The following TENM3 variants were observed in gnomAD, a reference collection of about 807,000 sequenced individuals.
The protein encoded by TENM3 is teneurin-3.
TENM3 carries 63 observed loss-of-function variants against 255.1 expected under a neutral mutation model. That is an observed-to-expected ratio of 0.25 (90% CI 0.20 to 0.30). TENM3 has a LOEUF of 0.30. TENM3 is among the 10% of genes least tolerant of loss of function. TENM3 has a pLI of 1.00. For missense variants in TENM3, 2,929 were observed against 3,461.1 expected (o/e 0.85, Z 3.86); for synonymous variants, 1,306 against 1,322.3 (o/e 0.99, Z 0.27).
rs1400665303 is a variant in TENM3, at chr4:182,603,763, A to ATTTT, written c.749+2605_749+2606insTTTT. Among the ~76,000 whole-genome samples, 611 of 122,892 alleles carry ATTTT rather than the reference A, an allele frequency of 5.0e-3. 21 individuals carry two copies. Among genetic ancestry groups the ATTTT allele is most frequent in the Admixed American group, 0.05 (485 of 9,782 alleles). 80.6% of individuals were successfully genotyped at this position (122,892 alleles called of 152,430 possible). ...GTGTATTGTTTCATCTTTGGCAATT[A>ATTTT]TTTATATATATATATATATATACAC... On this transcript the variant is annotated intron_variant, in intron 4 of 27. Coordinates refer to ENST00000511685, the MANE Select transcript of TENM3 (RefSeq NM_001080477.4).
At chr4:182,593,104 T>C (rs1243654499) in intron 3 of TENM3, among the ~76,000 whole-genome samples, 1 of 152,164 alleles carries the variant, frequency 6.6e-6, no homozygotes, top group African/African-American at 2.4e-5. Context: ...CTTTCTGTTT[T>C]AGGCAATGTG....
intron 13 of TENM3, among the ~76,000 whole-genome samples, chr4:182,721,964 T>C (rs1759771678): frequency 6.6e-6 from 1 of 152,144 alleles, no homozygotes; most frequent in South Asian, 2.1e-4. Flanking sequence ...TTATTCTTTG[T>C]TAGGTGTGTT....
At chr4:181,804,062 AAG>A in the TENM3 span, among the ~76,000 whole-genome samples, 1 of 142,726 alleles carries the variant, frequency 7.0e-6, no homozygotes, top group Non-Finnish European at 1.5e-5. Context: ...GAAGGAGAGA[AAG>A]AGAAAGGAAA....
At chr4:182,025,474 A>C in the TENM3 span, among the ~76,000 whole-genome samples, 65 of 152,314 alleles carry the variant, frequency 4.3e-4, no homozygotes, top group African/African-American at 1.3e-3. Context: ...CTGTACATAA[A>C]AAATATGGGA....
chr4:181,877,615 T>C, the TENM3 span, among the ~76,000 whole-genome samples: 1 of 152,138 alleles, frequency 6.6e-6, no homozygotes, highest in Non-Finnish European at 1.5e-5. Context: ...AGCAGCTCCA[T>C]GATGTCACTG....
intron 1 of TENM3, among the ~76,000 whole-genome samples, chr4:182,168,867 CT>C (rs1177535115): frequency 6.6e-6 from 1 of 151,832 alleles, no homozygotes; most frequent in African/African-American, 2.4e-5. Flanking sequence ...TTTATATCTT[CT>C]GAAAAAAATT....
chr4:182,765,009 T>C (rs1763565028), intron 22 of TENM3, among the ~76,000 whole-genome samples: 1 of 152,174 alleles, frequency 6.6e-6, no homozygotes. Context: ...AGTTTCCTTT[T>C]TCCCAACTTA....
chr4:181,552,727 A>G, the TENM3 span, among the ~76,000 whole-genome samples: 1 of 152,220 alleles, frequency 6.6e-6, no homozygotes, highest in East Asian at 1.9e-4. Flanking sequence ...TGTGTAAGAG[A>G]TGAAGGGACA....
intron 5 of TENM3, among the ~76,000 whole-genome samples, chr4:182,646,997 C>A (rs1752812308): frequency 1.3e-5 from 2 of 152,226 alleles, no homozygotes; most frequent in Admixed American, 6.5e-5. Flanking sequence ...GTAAGCATGA[C>A]ATTTATACCC....
chr4:181,776,848 GT>G, the TENM3 span, among the ~76,000 whole-genome samples: 22 of 152,042 alleles, frequency 1.4e-4, no homozygotes, highest in African/African-American at 5.3e-4. Context: ...TGGATGAATA[GT>G]TTGTGAATAT....
Position 182,376,622 on chromosome 4 carries a change from A to C in TENM3, c.511+29693A>C, listed in dbSNP as rs1419262717. 1.2e-4 allele frequency among the ~76,000 whole-genome samples: 18 copies of C among 152,300 alleles called. No homozygotes were observed. In the East Asian group the frequency reaches 3.3e-3, roughly 28 times the overall value. On this transcript the variant is annotated intron_variant, in intron 3 of 27. Coordinates refer to ENST00000511685, the MANE Select transcript of TENM3 (RefSeq NM_001080477.4). ...ATTTGTTTGGGTAGAAGATAAAGAC[A>C]GTCATGTTGGGTGTCACCAAGCATT...
chr4:182,347,569 T>A (rs1764908316), intron 3 of TENM3, among the ~76,000 whole-genome samples: 1 of 152,228 alleles, frequency 6.6e-6, no homozygotes, highest in Non-Finnish European at 1.5e-5. Flanking sequence ...AAATTGGATT[T>A]TAGGATATCC....
chr4:182,518,821 A>G (rs1738266637), intron 3 of TENM3, among the ~76,000 whole-genome samples: 1 of 152,242 alleles, frequency 6.6e-6, no homozygotes, highest in Non-Finnish European at 1.5e-5. Flanking sequence ...TTTGTTACTT[A>G]GCAATAAAAA....
chr4:182,120,329 A>G, the TENM3 span, among the ~76,000 whole-genome samples: 11 of 152,128 alleles, frequency 7.2e-5, no homozygotes, highest in Admixed American at 1.3e-4. Context: ...AGGCTGTACT[A>G]TCTAGGTTTG....
At chr4:182,319,963 A>G (rs1176144921) in intron 1 of TENM3, among the ~76,000 whole-genome samples, 9 of 152,086 alleles carry the variant, frequency 5.9e-5, no homozygotes, top group Non-Finnish European at 1.2e-4. Context: ...AAATATACAA[A>G]TTAGCCGGGT....
intron 16 of TENM3, among the ~76,000 whole-genome samples, chr4:182,735,151 G>T (rs548067169): frequency 6.6e-6 from 1 of 152,192 alleles, no homozygotes; most frequent in South Asian, 2.1e-4. Flanking sequence ...GTTTCCCTGG[G>T]TCTAAAAAGT....
At chr4:181,776,054 C>A in the TENM3 span, among the ~76,000 whole-genome samples, 1 of 152,066 alleles carries the variant, frequency 6.6e-6, no homozygotes, top group Admixed American at 6.6e-5. Flanking sequence ...TACCCATTAA[C>A]CAACCTCTCT....
chr4:182,040,054 G>T, the TENM3 span, among the ~76,000 whole-genome samples: 81 of 5,736 alleles, frequency 0.014, 1 homozygote, highest in Middle Eastern at 0.062. Flanking sequence ...GAGGGCAGGG[G>T]AGGGGAGGGC....
At chr4:181,888,552 A>ATATATATATATGTG in the TENM3 span, among the ~76,000 whole-genome samples, 13 of 87,836 alleles carry the variant, frequency 1.5e-4, no homozygotes, top group African/African-American at 4.7e-4. Flanking sequence ...ATATATATGT[A>ATATATATATATGTG]TATATATACA....
Sources: allele counts gnomAD v4.1 joint callset (sites outside exome capture counted in the v4.1 genomes callset), GRCh38; gene constraint gnomAD v4.1.1; transcripts MANE v1.5; gene names NCBI Gene and HGNC (gene_info 2026-07-23, HGNC 2026-07-21).